AK7: variants seen among roughly 807,000 people sequenced by gnomAD.
AK7 encodes the protein adenylate kinase 7.
AK7 carries 78 observed loss-of-function variants against 96.6 expected under a neutral mutation model. The observed-to-expected ratio is 0.81, with a 90% CI of 0.67 to 0.97. The LOEUF (loss-of-function observed/expected upper bound fraction) is 0.97, where lower values mean the gene tolerates loss of function less well. AK7 is among the 50% of genes least tolerant of loss of function. The pLI, the probability that AK7 is intolerant of heterozygous loss-of-function variation, is 0.00. For synonymous variants in AK7, 302 were observed against 317.2 expected (o/e 0.95, Z 0.51); for missense variants, 855 against 887.9 (o/e 0.96, Z 0.47).
At chr14:96,464,863 C>T (rs571683683) in intron 12 of AK7, among the ~76,000 whole-genome samples, 67 of 152,114 alleles carry the variant, frequency 4.4e-4, no homozygotes, top group Non-Finnish European at 6.8e-4. Flanking sequence ...GTGCTCAACC[C>T]CCTGGGAATG....
At position 96,398,258 on chromosome 14, in the gene AK7, T is replaced by C. The variant is rs756697933; in HGVS notation, c.289T>C (p.Tyr97His). 23 of 1,612,672 alleles carry C rather than the reference T, an allele frequency of 1.4e-5. No homozygotes were observed. The South Asian group carries it at 1.6e-4, about 12-fold the overall frequency. The change falls in exon 2 of 18, where the codon TAC becomes CAC. Residue 97 changes from tyrosine to histidine, a missense_variant. By Grantham distance (83) the Tyr-to-His change is moderately conservative. Transcript: ENST00000267584. Reference sequence around the variant, plus strand: ...GCGGCCTGACTTTGCGGTGGAGACGTACTCTGTAAGTCCCGGAGGCTCTGG... The same window carrying C: ...GCGGCCTGACTTTGCGGTGGAGACGCACTCTGTAAGTCCCGGAGGCTCTGG... ...SPRPDFAVET[Y>H]SAISREDLLM...
intron 15 of AK7, among the ~76,000 whole-genome samples, chr14:96,482,583 G>C (rs1217581587): frequency 6.6e-6 from 1 of 152,134 alleles, no homozygotes; most frequent in Non-Finnish European, 1.5e-5. Flanking sequence ...AATTGAAAAT[G>C]TATCCCAGTA....
chr14:96,484,612 C>G (rs1335523002), intron 16 of AK7, among the ~76,000 whole-genome samples: 1 of 152,206 alleles, frequency 6.6e-6, no homozygotes, highest in Non-Finnish European at 1.5e-5. Context: ...CTCACAGACA[C>G]CTGGCATCTT....
intron 12 of AK7, among the ~76,000 whole-genome samples, chr14:96,459,129 G>A (rs1894115091): frequency 6.6e-6 from 1 of 151,956 alleles, no homozygotes; most frequent in Non-Finnish European, 1.5e-5. Flanking sequence ...CCTGAGGTCA[G>A]GAGTTTGAGA....
intron 12 of AK7, among the ~76,000 whole-genome samples, chr14:96,459,832 G>A (rs541879425): frequency 2.8e-4 from 42 of 151,874 alleles, no homozygotes; most frequent in African/African-American, 1.0e-3. Flanking sequence ...AGCTGAGATC[G>A]CACCACTGTA....
At chr14:96,477,122 A>G (rs985114253) in intron 14 of AK7, among the ~76,000 whole-genome samples, 18 of 152,250 alleles carry the variant, frequency 1.2e-4, no homozygotes, top group African/African-American at 4.1e-4. Context: ...TGAGCAAAAA[A>G]TAGGAACAAC....
chr14:96,480,452 A>C (rs1181048099), intron 15 of AK7, among the ~76,000 whole-genome samples: 3 of 152,088 alleles, frequency 2.0e-5, no homozygotes, highest in Admixed American at 6.6e-5. Flanking sequence ...AGAAATACAA[A>C]AACAATTTAT....
intron 5 of AK7, chr14:96,424,262 A>G (rs1382097401): frequency 1.2e-5 from 5 of 425,704 alleles, no homozygotes; most frequent in African/African-American, 6.6e-5. Flanking sequence ...GCGGGAGGCC[A>G]GGCGCCGGCG....
At chr14:96,449,419 G>A (rs1279378156) in intron 8 of AK7, among the ~76,000 whole-genome samples, 1 of 148,178 alleles carries the variant, frequency 6.7e-6, no homozygotes, top group Non-Finnish European at 1.5e-5. Context: ...TTCATTTGAG[G>A]GTGTTTGTTT....
chr14:96,475,519 A>G (rs890851319), intron 14 of AK7, among the ~76,000 whole-genome samples: 1 of 152,210 alleles, frequency 6.6e-6, no homozygotes, highest in African/African-American at 2.4e-5. Context: ...GGGATGATTT[A>G]GGGCAAGGGA....
chr14:96,423,812 A>G, intron 5 of AK7: 1 of 764,116 alleles, frequency 1.3e-6, no homozygotes, highest in Non-Finnish European at 2.4e-6. Flanking sequence ...CGCCACCTTG[A>G]ATTTGCCACG....
chr14:96,482,164 A>G (rs1411238175), intron 15 of AK7, among the ~76,000 whole-genome samples: 4 of 151,932 alleles, frequency 2.6e-5, no homozygotes, highest in East Asian at 1.9e-4. Flanking sequence ...ATGAGAGGCC[A>G]AGGCAGGAGG....
chr14:96,400,173 G>C (rs1037048035), intron 2 of AK7, among the ~76,000 whole-genome samples: 1 of 151,540 alleles, frequency 6.6e-6, no homozygotes, highest in East Asian at 1.9e-4. Flanking sequence ...CGAGTAGCTG[G>C]GACTACAAGC....
At chr14:96,448,817 G>A (rs1200297856) in intron 8 of AK7, among the ~76,000 whole-genome samples, 9 of 151,868 alleles carry the variant, frequency 5.9e-5, no homozygotes, top group Admixed American at 5.9e-4. Flanking sequence ...TTAGCCAGGC[G>A]TGGTGATGCA....
In AK7 at chr14:96,489,137, T is replaced by C. The variant is rs150914713; in HGVS notation, c.*794T>C. ...ATATGTATTTTATCTCTTTAAATAA[T>C]GTAACCTAATATAACTGCCCGACTT... On this transcript the variant is annotated 3_prime_UTR_variant, in exon 18 of 18. Coordinates refer to ENST00000267584, the MANE Select transcript of AK7 (RefSeq NM_152327.5). 4 of 152,344 alleles carry C rather than the reference T, an allele frequency of 2.6e-5. No homozygotes were observed. Among genetic ancestry groups the C allele is most frequent in the African/African-American group, 4.8e-5 (2 of 41,580 alleles). The allele number at this position is 152,344 out of a possible 1,614,324, so 9.4% of individuals were successfully genotyped here.
chr14:96,419,996 C>G (rs1337759668), intron 4 of AK7, among the ~76,000 whole-genome samples: 2 of 150,798 alleles, frequency 1.3e-5, no homozygotes, highest in South Asian at 4.2e-4. Flanking sequence ...ATCATGTTAG[C>G]CAGGCTGGTC....
At chr14:96,446,709 G>C in intron 8 of AK7, 102 bp downstream of exon 8, 1 of 961,808 alleles carries the variant, frequency 1.0e-6, no homozygotes, top group Non-Finnish European at 1.6e-6. Flanking sequence ...GGGAGTCCGA[G>C]GCGGGTGGAT....
At chr14:96,450,916 G>A (rs529868286) in intron 9 of AK7, among the ~76,000 whole-genome samples, 5 of 151,584 alleles carry the variant, frequency 3.3e-5, no homozygotes, top group South Asian at 2.1e-4. Flanking sequence ...CTGGGACTAC[G>A]GGCGCCTGCC....
At chr14:96,478,784 G>A in intron 15 of AK7, 122 bp downstream of exon 15, 1 of 963,968 alleles carries the variant, frequency 1.0e-6, no homozygotes, top group South Asian at 1.6e-5. Flanking sequence ...TTGGGGCACA[G>A]GAAGCCATGA....
Sources: gnomAD v4.1 joint callset for allele counts (sites outside exome capture counted in the v4.1 genomes callset) on GRCh38, gnomAD v4.1.1 for gene constraint, MANE v1.5 for transcripts, NCBI Gene and HGNC (gene_info 2026-07-23, HGNC 2026-07-21) for gene names.